SYT14: variants seen among roughly 807,000 people sequenced by gnomAD.
The protein encoded by SYT14 is synaptotagmin 14, also known as synaptotagmin-14.
A neutral mutation model predicts 74.2 loss-of-function variants in SYT14; 32 were observed. The ratio of observed to expected loss-of-function variants is 0.43; its 90% CI spans 0.33 to 0.58. SYT14 has a LOEUF of 0.58. Among genes scored for constraint, SYT14 ranks in the 20% least tolerant of loss-of-function variants. SYT14 has a pLI of 0.05. For missense variants in SYT14, 791 were observed against 981.8 expected, an observed-to-expected ratio of 0.81 and a Z score of 2.60; for synonymous variants, 298 against 337.7, an observed-to-expected ratio of 0.88 and a Z score of 1.29.
intron 5 of SYT14, among the ~76,000 whole-genome samples, chr1:210,065,603 T>TA (rs2081281554): frequency 6.6e-6 from 1 of 152,002 alleles, no homozygotes; most frequent in Non-Finnish European, 1.5e-5. Context: ...TTTTGTCTTT[T>TA]AAAAAATAAT....
chr1:210,092,208 G>A (rs1277491680), intron 5 of SYT14, among the ~76,000 whole-genome samples: 1 of 152,084 alleles, frequency 6.6e-6, no homozygotes, highest in Non-Finnish European at 1.5e-5. Flanking sequence ...CAGGTGTCAA[G>A]TTTGGAGGTA....
rs138440131 is a variant in SYT14, at chr1:209,985,615, G to T, written c.-485-28018G>T. Among the ~76,000 whole-genome samples, 198 of 152,366 alleles carry T rather than the reference G, an allele frequency of 1.3e-3. 1 individual carries two copies. Among genetic ancestry groups the T allele is most frequent in the African/African-American group, 4.7e-3 (194 of 41,588 alleles). ...CCACAGCTCCACTAGGAGTGTCCCA[G>T]TGGGGACTCTGTGTGGGGCCTCCAT... On this transcript the variant is annotated intron_variant, in intron 2 of 9. Transcript: ENST00000637265.
At chr1:210,016,360 T>G (rs2080182464) in exon 4 of SYT14, 1 of 1,231,966 alleles carries the variant, frequency 8.1e-7, no homozygotes, top group Non-Finnish European at 1.0e-6. Flanking sequence ...AAAGAGTATT[T>G]AAACATGTTA....
At chr1:210,140,105 C>T (rs745407934) in intron 7 of SYT14, among the ~76,000 whole-genome samples, 21 of 152,192 alleles carry the variant, frequency 1.4e-4, no homozygotes, top group Non-Finnish European at 2.6e-4. Context: ...AGTTTCTCCA[C>T]ATTCTCTTCA....
chr1:210,112,091 T>A (rs1348116653), intron 7 of SYT14, among the ~76,000 whole-genome samples: 2 of 151,234 alleles, frequency 1.3e-5, no homozygotes, highest in Non-Finnish European at 2.9e-5. Context: ...AGGAATTATG[T>A]CTCACAGAAG....
chr1:210,026,269 G>T (rs763852022), intron 5 of SYT14, among the ~76,000 whole-genome samples: 1 of 152,020 alleles, frequency 6.6e-6, no homozygotes, highest in East Asian at 1.9e-4. Context: ...AAAAAGGTCA[G>T]TGTCAAAATA....
At chr1:210,123,218 C>A (rs1034570598) in intron 7 of SYT14, among the ~76,000 whole-genome samples, 1 of 23,542 alleles carries the variant, frequency 4.2e-5, no homozygotes, top group African/African-American at 1.9e-4. Context: ...TAGTTTACAA[C>A]AATAAATACA....
intron 7 of SYT14, among the ~76,000 whole-genome samples, chr1:210,139,533 T>C (rs2082872589): frequency 6.6e-6 from 1 of 152,182 alleles, no homozygotes; most frequent in African/African-American, 2.4e-5. Context: ...CACCCTTTTA[T>C]AGTGTAAAAG....
At chr1:209,979,210 T>C (rs557768792) in intron 2 of SYT14, among the ~76,000 whole-genome samples, 1 of 152,294 alleles carries the variant, frequency 6.6e-6, no homozygotes, top group South Asian at 2.1e-4. Flanking sequence ...GCACCCACTG[T>C]CCTGCACCCA....
intron 7 of SYT14, 136 bp downstream of exon 6, chr1:210,100,597 A>T: frequency 1.2e-6 from 1 of 861,584 alleles, no homozygotes; most frequent in Non-Finnish European, 1.8e-6. Context: ...TTACAAAAAT[A>T]TCTAAGCCCT....
At chr1:210,052,566 C>T (rs970044533) in intron 5 of SYT14, among the ~76,000 whole-genome samples, 2 of 148,462 alleles carry the variant, frequency 1.3e-5, no homozygotes, top group Non-Finnish European at 3.0e-5. Flanking sequence ...AGGAGGCTGA[C>T]GCAGGAGAAT....
In SYT14 at chr1:210,145,224, C is replaced by T. The variant is rs565994886; in HGVS notation, c.2035-10497C>T. On this transcript the variant is annotated intron_variant, in intron 7 of 9. Transcript: ENST00000637265. ...TTTTTTGCTCAGGATATAAAATGTG[C>T]ACAAAGCAAGTATTATCTCAAGTAA... is the stretch of plus-strand genomic sequence containing the variant. 5.3e-5 allele frequency among the ~76,000 whole-genome samples: 8 copies of T among 152,218 alleles called. No individual in the cohort carries two copies. In the South Asian group the frequency reaches 1.7e-3, roughly 32 times the overall value.
At position 210,167,503 on chromosome 1, in the gene SYT14, T is replaced by G. The variant is rs150729307; in HGVS notation, c.*6461T>G. On this transcript the variant is annotated 3_prime_UTR_variant, in exon 10 of 10. Coordinates refer to ENST00000637265, the Ensembl canonical transcript of SYT14. ...TTTCCATTTCCCCTCATTTCACATA[T>G]AGCCATATTTTCTTCTCTGATGTAA... 1.4e-4 allele frequency: 21 copies of G among 152,328 alleles called. No homozygotes were observed. The East Asian group carries it at 3.9e-3, about 28-fold the overall frequency. 9.4% of individuals were successfully genotyped at this position (152,328 alleles called of 1,614,324 possible). A position where few individuals can be genotyped will look rare whatever the true frequency, so the allele number is the denominator to read the frequency against.
chr1:210,143,479 T>C (rs2082962777), intron 7 of SYT14, among the ~76,000 whole-genome samples: 1 of 152,174 alleles, frequency 6.6e-6, no homozygotes, highest in Non-Finnish European at 1.5e-5. Flanking sequence ...ATTATATTCA[T>C]TTGCTCCCGT....
Position 210,138,070 on chromosome 1 carries a change from T to C in SYT14, c.2035-17651T>C, listed in dbSNP as rs76216693. Among the ~76,000 whole-genome samples the C allele has an allele frequency of 2.2e-3, 337 of 152,358 alleles. 1 individual carries two copies. The highest frequency in any genetic ancestry group is 0.01 in the Middle Eastern group (3 of 294). On this transcript the variant is annotated intron_variant, in intron 7 of 9. Coordinates refer to ENST00000637265, the Ensembl canonical transcript of SYT14. Reference sequence around the variant, plus strand: ...AAATTTTAATCTATTGGAAATTGTTTACATGTTAACTCACTGTATTAGTCC... The same window carrying C: ...AAATTTTAATCTATTGGAAATTGTTCACATGTTAACTCACTGTATTAGTCC...
chr1:210,116,496 G>A (rs192424070), intron 7 of SYT14, among the ~76,000 whole-genome samples: 33 of 152,198 alleles, frequency 2.2e-4, no homozygotes, highest in African/African-American at 6.0e-4. Flanking sequence ...ATAGGCATGC[G>A]CCACCATGTC....
chr1:210,153,981 A>G (rs1471967283), intron 7 of SYT14, among the ~76,000 whole-genome samples: 7 of 152,026 alleles, frequency 4.6e-5, no homozygotes, highest in Admixed American at 2.0e-4. Context: ...TTTTGGTTTT[A>G]ATATTTTGCT....
At chr1:210,051,781 T>C (rs997863833) in intron 5 of SYT14, among the ~76,000 whole-genome samples, 6 of 152,190 alleles carry the variant, frequency 3.9e-5, no homozygotes, top group Admixed American at 1.3e-4. Flanking sequence ...TCCTAACTTA[T>C]ATTCAGCCAG....
At chr1:210,013,494 C>T (rs2080124878) in intron 2 of SYT14, 139 bp from the exon 3 acceptor site, 13 of 823,960 alleles carry the variant, frequency 1.6e-5, no homozygotes, top group Non-Finnish European at 2.1e-5. Context: ...TTCTTATAAA[C>T]GAAACTGTTT....
Sources: allele counts gnomAD v4.1 joint callset (sites outside exome capture counted in the v4.1 genomes callset), GRCh38; gene constraint gnomAD v4.1.1; transcripts MANE v1.5; gene names NCBI Gene and HGNC (gene_info 2026-07-23, HGNC 2026-07-21).